The following PIK3C3 variants were observed in gnomAD, a reference collection of about 807,000 sequenced individuals.
PIK3C3 encodes the protein PI3-kinase type 3.
A neutral mutation model predicts 126.1 loss-of-function variants in PIK3C3; 95 were observed. The observed-to-expected ratio is 0.75, with a 90% CI of 0.64 to 0.89. The LOEUF (loss-of-function observed/expected upper bound fraction) is 0.89. PIK3C3 is among the 40% of genes least tolerant of loss of function. The pLI, the probability that PIK3C3 is intolerant of heterozygous loss-of-function variation, is 0.00. For synonymous variants in PIK3C3, 374 were observed against 360.0 expected (o/e 1.04, Z -0.44); for missense variants, 829 against 1,063.2 (o/e 0.78, Z 3.06).
chr18:41,962,834 AT>A (rs1344652086), intron 3 of PIK3C3, among the ~76,000 whole-genome samples: 1 of 152,198 alleles, frequency 6.6e-6, no homozygotes, highest in African/African-American at 2.4e-5. Flanking sequence ...TACAATTTAT[AT>A]TGCTCTTCTG....
Position 42,053,676 on chromosome 18 carries a change from A to G in PIK3C3, c.2263+4071A>G, listed in dbSNP as rs111906288. On this transcript the variant is annotated intron_variant, in intron 21 of 24. Coordinates refer to ENST00000262039, the MANE Select transcript of PIK3C3 (RefSeq NM_002647.4). ...GGGCGATCAGTTGTGACAGGATTCA[A>G]ATGAAACATGGTTTGAGTTTATCCC... 7.2e-3 allele frequency among the ~76,000 whole-genome samples: 1,100 copies of G among 152,284 alleles called. 8 individuals carry two copies. The highest frequency in any genetic ancestry group is 0.012 in the Non-Finnish European group (785 of 68,026).
chr18:42,042,989 G>A (rs1349686685), intron 19 of PIK3C3, among the ~76,000 whole-genome samples: 7 of 151,628 alleles, frequency 4.6e-5, no homozygotes, highest in Admixed American at 6.6e-5. Context: ...TTCCTGTCGC[G>A]TTGTTTGTAT....
intron 14 of PIK3C3, among the ~76,000 whole-genome samples, chr18:42,028,377 T>C (rs1003142240): frequency 1.3e-5 from 2 of 152,232 alleles, no homozygotes; most frequent in Admixed American, 6.5e-5. Context: ...AAAAGAGATT[T>C]ATTTTTCCTG....
In PIK3C3 at chr18:42,010,600, G is replaced by A. The variant is rs1244740051; in HGVS notation, c.1171-2842G>A. On this transcript the variant is annotated intron_variant, in intron 10 of 24. Transcript: ENST00000262039. ...AGGCTGGCCTTGAACTCCTGACTTC[G>A]GGTGATCCACCCACCTCGGCCTCCC... 4.6e-5 allele frequency among the ~76,000 whole-genome samples: 7 copies of A among 152,120 alleles called. No homozygotes were observed. The South Asian group carries it at 6.2e-4, about 14-fold the overall frequency.
intron 16 of PIK3C3, among the ~76,000 whole-genome samples, chr18:42,034,972 C>T (rs1230978646): frequency 6.6e-6 from 1 of 152,134 alleles, no homozygotes; most frequent in Non-Finnish European, 1.5e-5. Context: ...TAAAGCAATC[C>T]CTAACTTTAA....
chr18:42,057,995 T>C lies in PIK3C3; in HGVS notation c.2376T>C (p.Ser792=), dbSNP rs561545585. The C allele has an allele frequency of 2.0e-5, 32 of 1,613,416 alleles. No homozygotes were observed. The East Asian group carries it at 6.2e-4, about 31-fold the overall frequency. ...TAGAAGGAATGGGGGGCACACAGAG[T>C]GAGCAGTACCAAGAGTTCCGTAAAC... ...EMVEGMGGTQ[S]EQYQEFRKQC... Residue 792 remains serine, a synonymous_variant, in exon 22 of 25, where the codon AGT becomes AGC. Transcript: ENST00000262039.
At chr18:41,969,614 A>G (rs1477319234) in intron 3 of PIK3C3, among the ~76,000 whole-genome samples, 1 of 152,228 alleles carries the variant, frequency 6.6e-6, no homozygotes, top group Admixed American at 6.5e-5. Flanking sequence ...CTACTATTGT[A>G]TTCACTTTTA....
chr18:42,066,122 C>G (rs1170686025), intron 23 of PIK3C3, among the ~76,000 whole-genome samples: 1 of 152,164 alleles, frequency 6.6e-6, no homozygotes, highest in Non-Finnish European at 1.5e-5. Context: ...TTGTCATTAT[C>G]TGGGATGCAG....
intron 10 of PIK3C3, among the ~76,000 whole-genome samples, chr18:42,004,759 T>A (rs1181561223): frequency 6.6e-6 from 1 of 152,182 alleles, no homozygotes; most frequent in Admixed American, 6.5e-5. Flanking sequence ...TACTTCCTGA[T>A]CTGTTACGTG....
intron 18 of PIK3C3, 68 bp downstream of exon 18, chr18:42,038,918 T>A: frequency 9.8e-7 from 1 of 1,020,406 alleles, no homozygotes; most frequent in Non-Finnish European, 1.5e-6. Context: ...AAATTGAAAA[T>A]TTTTAAGTAT....
chr18:42,061,455 G>T (rs1451916904), intron 22 of PIK3C3, among the ~76,000 whole-genome samples: 32 of 152,074 alleles, frequency 2.1e-4, no homozygotes, highest in Non-Finnish European at 5.9e-5. Flanking sequence ...TAGTGGCACT[G>T]CCTGTAGTCC....
chr18:41,958,425 C>A (rs896023620), intron 2 of PIK3C3, among the ~76,000 whole-genome samples: 9 of 152,088 alleles, frequency 5.9e-5, no homozygotes, highest in South Asian at 2.1e-4. Context: ...GATACACAGG[C>A]TGTATGCTTT....
rs1326625246 is a variant in PIK3C3 at position 42,027,540 on chromosome 18, T to C, written c.1582T>C (p.Leu528=). The C allele has an allele frequency of 6.2e-7, 1 of 1,602,932 alleles. No individual in the cohort carries two copies. The highest frequency in any genetic ancestry group is 2.2e-5 in the East Asian group (1 of 44,618). ...LNVMRRFSQA[L]LKGDKSVRVM... ...CGTAATGAGAAGATTCAGCCAAGCATTGTTGAAGGTAACCCTTAAATGTGA... is the reference window on the plus strand; with the variant it reads ...CGTAATGAGAAGATTCAGCCAAGCACTGTTGAAGGTAACCCTTAAATGTGA... Residue 528 remains leucine, a synonymous_variant, in exon 14 of 25, where the codon TTG becomes CTG. Transcript: ENST00000262039.
At position 42,086,117 on chromosome 18, in the gene PIK3C3, C is replaced by G. The variant is rs1325079941; in HGVS notation, c.*4980C>G. 7.0e-6 allele frequency: 1 copy of G among 143,154 alleles called. No individual in the cohort carries two copies. The highest frequency in any genetic ancestry group is 2.2e-4 in the East Asian group (1 of 4,522). The allele number at this position is 143,154 out of a possible 1,614,324, so 8.9% of individuals were successfully genotyped here. On this transcript the variant is annotated 3_prime_UTR_variant, in exon 25 of 25. Coordinates refer to ENST00000262039, the MANE Select transcript of PIK3C3 (RefSeq NM_002647.4). ...GCCTGGGTAATAGAGCGAGACAACT[C>G]TATCTCAAAAAAAAGAATTTCACTA...
intron 23 of PIK3C3, among the ~76,000 whole-genome samples, chr18:42,065,223 G>C (rs144846787): frequency 1.4e-3 from 213 of 152,106 alleles, no homozygotes; most frequent in African/African-American, 5.0e-3. Flanking sequence ...AACTAGATGT[G>C]TGAATAAACA....
rs760109315 is a variant in PIK3C3 at position 42,043,682 on chromosome 18, AGTTT to A, written c.2104-40_2104-37del. The A allele has an allele frequency of 7.7e-6, 9 of 1,174,082 alleles. No individual in the cohort carries two copies. The East Asian group carries it at 9.4e-5, about 12-fold the overall frequency. 72.7% of individuals were successfully genotyped at this position (1,174,082 alleles called of 1,614,324 possible). A position where few individuals can be genotyped will look rare whatever the true frequency, so the allele number is the denominator to read the frequency against. The stretch of plus-strand genomic sequence containing the variant: ...CACTATTTATAGTTTCAAAACACCT[AGTTT>A]GTTTGTTTGTACTTAATTCTAAAAC... On this transcript the variant is annotated intron_variant, in intron 19 of 24. Coordinates refer to ENST00000262039, the MANE Select transcript of PIK3C3 (RefSeq NM_002647.4).
At chr18:42,078,032 A>G (rs1227525926) in intron 24 of PIK3C3, among the ~76,000 whole-genome samples, 1 of 151,908 alleles carries the variant, frequency 6.6e-6, no homozygotes, top group African/African-American at 2.4e-5. Context: ...TCAATGAACA[A>G]TATTTTGAAT....
intron 20 of PIK3C3, among the ~76,000 whole-genome samples, chr18:42,047,309 G>GT (rs1810821827): frequency 6.6e-6 from 1 of 152,170 alleles, no homozygotes; most frequent in Admixed American, 6.5e-5. Context: ...ATTATCGGTA[G>GT]TTTAGTACCC....
intron 10 of PIK3C3, among the ~76,000 whole-genome samples, 167 bp from the exon 11 acceptor site, chr18:42,013,275 G>T (rs979085171): frequency 2.0e-5 from 3 of 152,100 alleles, no homozygotes; most frequent in Non-Finnish European, 4.4e-5. Context: ...AGATGAAGGG[G>T]CTGTGGGGCA....
Sources: gnomAD v4.1 joint callset for allele counts (sites outside exome capture counted in the v4.1 genomes callset) on GRCh38, gnomAD v4.1.1 for gene constraint, MANE v1.5 for transcripts, NCBI Gene and HGNC (gene_info 2026-07-23, HGNC 2026-07-21) for gene names.